RTN3: variants seen among roughly 807,000 people sequenced by gnomAD.
RTN3 encodes reticulon-3.
A neutral mutation model predicts 77.8 loss-of-function variants in RTN3; 49 were observed. The ratio of observed to expected loss-of-function variants is 0.63; its 90% confidence interval spans 0.50 to 0.80. The LOEUF (loss-of-function observed/expected upper bound fraction) is 0.80, where lower values mean the gene tolerates loss of function less well. Ranked by LOEUF, RTN3 falls within the 30% of genes least tolerant of loss-of-function variation. RTN3 has a pLI of 0.00. For missense variants in RTN3, 1,236 were observed against 1,211.9 expected (o/e 1.02, Z -0.29); for synonymous variants, 464 against 446.9 (o/e 1.04, Z -0.48).
intron 1 of RTN3, among the ~76,000 whole-genome samples, chr11:63,690,512 A>G (rs1175690900): frequency 6.6e-6 from 1 of 152,200 alleles, no homozygotes; most frequent in African/African-American, 2.4e-5. Context: ...GTAGACAGGT[A>G]GCGATATAAC....
chr11:63,692,379 A>G (rs1411993722), intron 1 of RTN3, among the ~76,000 whole-genome samples: 2 of 151,716 alleles, frequency 1.3e-5, no homozygotes, highest in East Asian at 3.9e-4. Context: ...TTTGCTGTTC[A>G]CTCTGCCTAG....
At chr11:63,744,062 C>T (rs372609227) in intron 3 of RTN3, among the ~76,000 whole-genome samples, 34 of 151,718 alleles carry the variant, frequency 2.2e-4, no homozygotes, top group Middle Eastern at 3.4e-3. Flanking sequence ...GCCAATATGG[C>T]AAAACCCTGT....
chr11:63,722,796 A>G (rs1009481748), intron 3 of RTN3, among the ~76,000 whole-genome samples: 1 of 152,182 alleles, frequency 6.6e-6, no homozygotes, highest in Non-Finnish European at 1.5e-5. Flanking sequence ...ATATCTGTAA[A>G]GTGAGGATGT....
intron 1 of RTN3, among the ~76,000 whole-genome samples, chr11:63,686,470 CAAAAAAAAAAAAA>C (rs11364347): frequency 1.1e-5 from 1 of 92,568 alleles, no homozygotes; most frequent in South Asian, 3.5e-4. Flanking sequence ...GACTCCGTCT[CAAAAAAAAAAAAA>C]AAAAAAAGAA....
chr11:63,724,576 C>T (rs974577640), intron 3 of RTN3, among the ~76,000 whole-genome samples: 1 of 147,508 alleles, frequency 6.8e-6, no homozygotes, highest in Non-Finnish European at 1.5e-5. Context: ...ACTGCAACCT[C>T]CACCTCCCGG....
At chr11:63,743,403 A>G (rs1053568292) in intron 3 of RTN3, among the ~76,000 whole-genome samples, 2 of 152,172 alleles carry the variant, frequency 1.3e-5, no homozygotes, top group Non-Finnish European at 1.5e-5. Flanking sequence ...GATTTTCTCA[A>G]ATGCTTTTTT....
intron 2 of RTN3, among the ~76,000 whole-genome samples, chr11:63,712,272 T>A (rs372885167): frequency 6.6e-6 from 1 of 152,194 alleles, no homozygotes; most frequent in Non-Finnish European, 1.5e-5. Flanking sequence ...GTCTGGAGTC[T>A]CTATGTCAAG....
intron 1 of RTN3, among the ~76,000 whole-genome samples, chr11:63,692,075 T>C (rs1941690048): frequency 6.6e-6 from 1 of 152,086 alleles, no homozygotes; most frequent in Admixed American, 6.6e-5. Context: ...CAGGCTGGAG[T>C]GCAGTGGCGC....
chr11:63,692,602 C>T (rs1045583559), intron 1 of RTN3, among the ~76,000 whole-genome samples: 1 of 150,762 alleles, frequency 6.6e-6, no homozygotes, highest in South Asian at 2.1e-4. Flanking sequence ...ACTAAAAATA[C>T]AAAAAAAAAT....
At position 63,720,099 on chromosome 11, in the gene RTN3, A is replaced by C; in HGVS notation, c.1597A>C (p.Lys533Gln). The C allele has an allele frequency of 6.2e-7, 1 of 1,613,408 alleles. No homozygotes were observed. Among genetic ancestry groups the C allele is most frequent in the Non-Finnish European group, 8.5e-7 (1 of 1,179,838 alleles). The change falls in exon 3 of 9, where the codon AAA (lysine) becomes CAA (glutamine). Residue 533 changes from lysine (K) to glutamine (Q), a missense_variant. Transcript: ENST00000377819. ...KPVSIPSAVV[K>Q]TGEREIKEIP... ...TGTTTCCATTCCAAGTGCTGTTGTA[A>C]AAACAGGTGAAAGAGAAATCAAAGA...
chr11:63,743,176 C>T (rs1315458897), intron 3 of RTN3, among the ~76,000 whole-genome samples: 1 of 152,198 alleles, frequency 6.6e-6, no homozygotes, highest in Non-Finnish European at 1.5e-5. Context: ...GCTGGGATTA[C>T]AGGCATGAGC....
intron 3 of RTN3, among the ~76,000 whole-genome samples, chr11:63,723,027 C>T (rs2011932017): frequency 6.6e-6 from 1 of 152,154 alleles, no homozygotes; most frequent in Non-Finnish European, 1.5e-5. Context: ...CAGCATCTTC[C>T]TTTGTTAATG....
chr11:63,692,708 C>G (rs1191631817), intron 1 of RTN3, among the ~76,000 whole-genome samples: 1 of 152,008 alleles, frequency 6.6e-6, no homozygotes, highest in Non-Finnish European at 1.5e-5. Flanking sequence ...TTGCAATAAG[C>G]CGAGATCATG....
At chr11:63,702,097 G>A (rs1351175317) in intron 1 of RTN3, among the ~76,000 whole-genome samples, 2 of 152,020 alleles carry the variant, frequency 1.3e-5, no homozygotes, top group African/African-American at 4.8e-5. Flanking sequence ...CAATCTTCTA[G>A]CTTAAATATA....
rs1565334231 is a variant in RTN3, at chr11:63,735,569, T to TCTCTCTCTCTCTCTCTCTCA, written c.2531-14403_2531-14402insACTCTCTCTCTCTCTCTCTC. Among the ~76,000 whole-genome samples the TCTCTCTCTCTCTCTCTCTCA allele has an allele frequency of 8.3e-5, 12 of 144,982 alleles. No individual in the cohort carries two copies. The South Asian group carries it at 2.6e-3, about 31-fold the overall frequency. On this transcript the variant is annotated intron_variant, in intron 3 of 8. Coordinates refer to ENST00000377819, the MANE Select transcript of RTN3 (RefSeq NM_001265589.2). ...TAACATTTCTCTCTCTCTCTCTCTC[T>TCTCTCTCTCTCTCTCTCTCA]CTCTCTCTCTCTCTCTCTCTCTCTC...
At chr11:63,689,258 G>A (rs868470398) in intron 1 of RTN3, among the ~76,000 whole-genome samples, 8 of 152,134 alleles carry the variant, frequency 5.3e-5, no homozygotes, top group Non-Finnish European at 1.0e-4. Context: ...TTAGCAGGTC[G>A]ATATTTTGTT....
upstream of RTN3, chr11:63,681,496 A>G (rs972191426): frequency 3.1e-5 from 26 of 851,644 alleles, no homozygotes; most frequent in Admixed American, 1.1e-4. Flanking sequence ...CGGCTGAGTC[A>G]GTCAGTCTGT....
At chr11:63,706,854 A>G (rs1423416473) in intron 2 of RTN3, among the ~76,000 whole-genome samples, 1 of 151,902 alleles carries the variant, frequency 6.6e-6, no homozygotes, top group Non-Finnish European at 1.5e-5. Flanking sequence ...CAGATCTTTA[A>G]GAATACGTTC....
At position 63,750,179 on chromosome 11, in the gene RTN3, G is replaced by C. The variant is rs2014025774; in HGVS notation, c.2719G>C (p.Glu907Gln). ...KSVIQAVQKS[E>Q]EGHPFKAYLD... Reference sequence around the variant, plus strand: ...CGTCATCCAAGCTGTACAGAAGTCAGAAGAAGGCCATCCATTCAAGTGAGT... The same window carrying C: ...CGTCATCCAAGCTGTACAGAAGTCACAAGAAGGCCATCCATTCAAGTGAGT... The change falls in exon 4 of 9, where the codon GAA becomes CAA. Residue 907 changes from glutamate to glutamine, a missense_variant. Glu to Gln is a conservative substitution (Grantham distance 29). Around this residue, in one of 3 missense-constraint regions of RTN3, gnomAD observed 141 missense variants for 154.9 expected, o/e 0.91. Coordinates refer to ENST00000377819, the MANE Select transcript of RTN3 (RefSeq NM_001265589.2). 1 of 1,612,122 alleles carries C rather than the reference G, an allele frequency of 6.2e-7. No individual in the cohort carries two copies. Among genetic ancestry groups the C allele is most frequent in the South Asian group, 1.1e-5 (1 of 90,578 alleles).
Sources: allele counts gnomAD v4.1 joint callset (sites outside exome capture counted in the v4.1 genomes callset), GRCh38; gene constraint gnomAD v4.1.1; regional missense constraint gnomAD v4.1.1; transcripts MANE v1.5; gene names NCBI Gene and HGNC (gene_info 2026-07-23, HGNC 2026-07-21).